Variants in AHRR observed in about 807,000 individuals in gnomAD.
AHRR encodes the protein ahR repressor.
In AHRR, 28 loss-of-function variants were observed where a neutral mutation model predicts 44.0. The observed-to-expected ratio is 0.64, with a 90% CI of 0.47 to 0.87. The LOEUF (loss-of-function observed/expected upper bound fraction) is 0.87. Ranked by LOEUF, AHRR falls within the 40% of genes least tolerant of loss-of-function variation. AHRR has a pLI of 0.00. For missense variants in AHRR, 990 were observed against 953.9 expected (o/e 1.04, Z -0.50); for synonymous variants, 434 against 407.0 (o/e 1.07, Z -0.80).
chr5:362,439 G>A (rs1743215348), intron 3 of AHRR, among the ~76,000 whole-genome samples: 1 of 152,226 alleles, frequency 6.6e-6, no homozygotes, highest in African/African-American at 2.4e-5. Context: ...CATGTGGGTC[G>A]AGTGCCTTCC....
intron 1 of AHRR, among the ~76,000 whole-genome samples, chr5:335,627 G>T (rs542078960): frequency 6.8e-4 from 104 of 152,336 alleles, no homozygotes; most frequent in Middle Eastern, 6.8e-3. Flanking sequence ...ATGGCAGAAT[G>T]CCTGGATGAG....
At chr5:330,535 T>C (rs1040837550) in intron 1 of AHRR, among the ~76,000 whole-genome samples, 1 of 151,730 alleles carries the variant, frequency 6.6e-6, no homozygotes, top group Non-Finnish European at 1.5e-5. Flanking sequence ...CACCATGCCC[T>C]GATAATTTTT....
At chr5:336,555 T>C (rs529495273) in intron 1 of AHRR, among the ~76,000 whole-genome samples, 2 of 152,360 alleles carry the variant, frequency 1.3e-5, no homozygotes, top group African/African-American at 4.8e-5. Context: ...CCTTATCAGA[T>C]AACATGATTT....
At chr5:424,118 T>C in intron 7 of AHRR, 141 bp downstream of exon 7, 1 of 1,272,260 alleles carries the variant, frequency 7.9e-7, no homozygotes, top group Non-Finnish European at 1.1e-6. Flanking sequence ...GGTGCTGAGC[T>C]CTGTGTACCC....
chr5:374,163 C>T (rs1743694198), intron 3 of AHRR, among the ~76,000 whole-genome samples: 1 of 152,120 alleles, frequency 6.6e-6, no homozygotes, highest in African/African-American at 2.4e-5. Context: ...GTGCCCCCAC[C>T]CGCGCTGCCC....
chr5:433,360 G>C (rs756849258), intron 10 of AHRR, among the ~76,000 whole-genome samples: 2 of 152,030 alleles, frequency 1.3e-5, no homozygotes. Context: ...CAGCCCAGCT[G>C]TGCCCCACAG....
chr5:392,677 C>CG (rs143891151), intron 4 of AHRR, among the ~76,000 whole-genome samples: 8,755 of 152,172 alleles, frequency 0.058, 387 homozygotes, highest in Non-Finnish European at 0.078. Flanking sequence ...AGTGATGTGG[C>CG]GGGAAGGCTG....
intron 3 of AHRR, among the ~76,000 whole-genome samples, chr5:375,675 GC>G (rs910536639): frequency 6.6e-6 from 1 of 152,158 alleles, no homozygotes; most frequent in Non-Finnish European, 1.5e-5. Flanking sequence ...AGCAGCAGAT[GC>G]CCCCCCGGCC....
intron 8 of AHRR, among the ~76,000 whole-genome samples, chr5:431,625 C>T (rs1248850799): frequency 2.0e-5 from 3 of 151,922 alleles, no homozygotes; most frequent in Non-Finnish European, 4.4e-5. Flanking sequence ...TGGCCCCCAG[C>T]AGCGGCCCCT....
intron 4 of AHRR, among the ~76,000 whole-genome samples, chr5:379,974 G>T (rs1005557109): frequency 6.6e-6 from 1 of 152,026 alleles, no homozygotes; most frequent in African/African-American, 2.4e-5. Context: ...GTTACATTCT[G>T]GTCTATGATC....
chr5:399,842 T>C (rs1054714465), intron 4 of AHRR, among the ~76,000 whole-genome samples: 7 of 152,248 alleles, frequency 4.6e-5, no homozygotes, highest in African/African-American at 1.7e-4. Context: ...TCCGGCCAGC[T>C]GCATTCTCAA....
intron 7 of AHRR, chr5:427,492 T>G: frequency 1.0e-6 from 1 of 980,576 alleles, no homozygotes. Context: ...ACAGGCGCAG[T>G]TCGTGCCACC....
chr5:336,627 C>A (rs7716918), intron 1 of AHRR, among the ~76,000 whole-genome samples: 1 of 151,786 alleles, frequency 6.6e-6, no homozygotes, highest in Admixed American at 6.5e-5. Flanking sequence ...TCTTGTGACA[C>A]AAAAATTTTT....
At chr5:323,483 C>A (rs1232389463) in intron 1 of AHRR, among the ~76,000 whole-genome samples, 1 of 152,224 alleles carries the variant, frequency 6.6e-6, no homozygotes, top group African/African-American at 2.4e-5. Context: ...CGAGGCTTTT[C>A]TCTAAAGTAT....
intron 1 of AHRR, among the ~76,000 whole-genome samples, chr5:322,164 C>T (rs986888593): frequency 6.6e-6 from 1 of 152,118 alleles, no homozygotes; most frequent in Admixed American, 6.5e-5. Context: ...AGCGGGGCCC[C>T]GCTGTCGGGC....
chr5:377,510 C>G (rs1288665161), intron 4 of AHRR, among the ~76,000 whole-genome samples: 1 of 152,108 alleles, frequency 6.6e-6, no homozygotes, highest in African/African-American at 2.4e-5. Flanking sequence ...CTGGGTGGGG[C>G]AGGAGGGCAC....
At chr5:344,999 G>T (rs1433658426) in intron 2 of AHRR, among the ~76,000 whole-genome samples, 1 of 129,336 alleles carries the variant, frequency 7.7e-6, no homozygotes, top group Non-Finnish European at 1.7e-5. Flanking sequence ...GGCTGTGTGT[G>T]GGGAGTGTGA....
chr5:367,663 C>T lies in AHRR; in HGVS notation c.245-8947C>T, dbSNP rs971662674. ...TGCTGGGTCTCTTGTCTTCACCCCT[C>T]AGGAGGCCTTCCCCAGCCTCACTTT... is the stretch of plus-strand genomic sequence containing the variant. On this transcript the variant is annotated intron_variant, in intron 3 of 10. Coordinates refer to ENST00000684583, the MANE Select transcript of AHRR (RefSeq NM_001377236.1). The T allele has an allele frequency of 3.5e-5, 21 of 596,980 alleles. No homozygotes were observed. In the African/African-American group the frequency reaches 3.9e-4, roughly 11 times the overall value. 37.0% of individuals were successfully genotyped at this position (596,980 alleles called of 1,614,324 possible). A position where few individuals can be genotyped will look rare whatever the true frequency, so the allele number is the denominator to read the frequency against.
intron 4 of AHRR, among the ~76,000 whole-genome samples, chr5:407,652 G>A (rs11738623): frequency 0.23 from 35,224 of 152,092 alleles, 5,373 homozygotes; most frequent in Non-Finnish European, 0.34. Context: ...CCATTCTCCC[G>A]CCTCAGCCTC....
Sources: gnomAD v4.1 joint callset for allele counts (sites outside exome capture counted in the v4.1 genomes callset) on GRCh38, gnomAD v4.1.1 for gene constraint, MANE v1.5 for transcripts, NCBI Gene and HGNC (gene_info 2026-07-23, HGNC 2026-07-21) for gene names.